The following SYNE3 variants were observed in gnomAD, a reference collection of about 807,000 sequenced individuals.
SYNE3 encodes the protein spectrin repeat containing nuclear envelope family member 3, also known as nesprin-3.
A neutral mutation model predicts 111.2 loss-of-function variants in SYNE3; 100 were observed. That is an observed-to-expected ratio of 0.90 (90% CI 0.77 to 1.06). SYNE3 has a LOEUF of 1.06. Among genes scored for constraint, SYNE3 ranks in the 50% least tolerant of loss-of-function variants. The pLI, the probability that SYNE3 is intolerant of heterozygous loss-of-function variation, is 0.00. For synonymous variants in SYNE3, 547 were observed against 533.9 expected (o/e 1.02, Z -0.34); for missense variants, 1,160 against 1,240.3 (o/e 0.94, Z 0.97).
intron 4 of SYNE3, among the ~76,000 whole-genome samples, chr14:95,464,036 C>T (rs866187076): frequency 2.0e-5 from 3 of 152,218 alleles, no homozygotes; most frequent in African/African-American, 7.2e-5. Context: ...GCCTGGAATC[C>T]AAGTCCCTTC....
Position 95,409,151 on chromosome 14 carries a change from A to G in SYNE3, c.*8675T>C, listed in dbSNP as rs1451036554. The G allele has an allele frequency of 4.4e-6, 2 of 456,726 alleles. No homozygotes were observed. The highest frequency in any genetic ancestry group is 8.8e-6 in the Non-Finnish European group (2 of 226,952). 28.3% of individuals were successfully genotyped at this position (456,726 alleles called of 1,614,324 possible). A position where few individuals can be genotyped will look rare whatever the true frequency, so the allele number is the denominator to read the frequency against. ...CTGAGGCCCAGGGAACATTCCATAG[A>G]GTGGAGCACTGGGCTCGGAGCCAGT... On this transcript the variant is annotated 3_prime_UTR_variant, in exon 18 of 18. Transcript: ENST00000682763.
At chr14:95,491,197 G>A (rs150239347) in intron 1 of SYNE3, among the ~76,000 whole-genome samples, 3 of 152,234 alleles carry the variant, frequency 2.0e-5, no homozygotes, top group Non-Finnish European at 2.9e-5. Context: ...GAAAGATTCT[G>A]TGGAAACCTC....
chr14:95,491,509 A>G (rs1465088545), intron 1 of SYNE3, among the ~76,000 whole-genome samples: 3 of 152,196 alleles, frequency 2.0e-5, no homozygotes, highest in African/African-American at 7.2e-5. Flanking sequence ...TGATGGGACA[A>G]CTGGATATCC....
At chr14:95,450,451 G>T (rs1396500948) in intron 7 of SYNE3, 4 of 234,236 alleles carry the variant, frequency 1.7e-5, no homozygotes, top group Non-Finnish European at 3.3e-5. Flanking sequence ...AAAGCAGGAG[G>T]ATCACTTGAG....
At chr14:95,478,265 G>A (rs1889010192) in intron 1 of SYNE3, among the ~76,000 whole-genome samples, 1 of 152,178 alleles carries the variant, frequency 6.6e-6, no homozygotes, top group African/African-American at 2.4e-5. Context: ...TGCTATGATC[G>A]TAGCATCCAA....
At position 95,411,243 on chromosome 14, in the gene SYNE3, GC is replaced by G. The variant is rs1903425686; in HGVS notation, c.*6582del. On this transcript the variant is annotated 3_prime_UTR_variant, in exon 18 of 18. Transcript: ENST00000682763. ...TTCATCCCATTGTCTGCTTTCTGGG[GC>G]TAGTTTGTCTCACCCAATTACTAGA... The G allele has an allele frequency of 6.6e-6, 1 of 150,956 alleles. No homozygotes were observed. Among genetic ancestry groups the G allele is most frequent in the Admixed American group, 6.6e-5 (1 of 15,066 alleles). 9.4% of individuals were successfully genotyped at this position (150,956 alleles called of 1,614,324 possible). A position where few individuals can be genotyped will look rare whatever the true frequency, so the allele number is the denominator to read the frequency against.
chr14:95,470,032 G>C lies in SYNE3; in HGVS notation c.145-2065C>G, dbSNP rs897638119. ...GCTCAGGGAGAGTGAAGAATGGGGA[G>C]ATTCCTCAAGAGAGGGAAAGAGGGT... On this transcript the variant is annotated intron_variant, in intron 2 of 17. Coordinates refer to ENST00000682763, the MANE Select transcript of SYNE3 (RefSeq NM_152592.6). The surrounding 1 kb of genome is among the most constrained non-coding windows in gnomAD (Gnocchi z 4.2). Among the ~76,000 whole-genome samples the C allele has an allele frequency of 6.6e-6, 1 of 152,202 alleles. No individual in the cohort carries two copies. The highest frequency in any genetic ancestry group is 1.5e-5 in the Non-Finnish European group (1 of 68,040).
intron 1 of SYNE3, among the ~76,000 whole-genome samples, chr14:95,514,426 G>A (rs1157905602): frequency 6.6e-6 from 1 of 152,206 alleles, no homozygotes; most frequent in East Asian, 1.9e-4. Flanking sequence ...TGACAGACAA[G>A]GGGAAATCAA....
In SYNE3 at chr14:95,429,367, C is replaced by G. The variant is rs1478287201; in HGVS notation, c.2727+2712G>C. Among the ~76,000 whole-genome samples, 7 of 152,180 alleles carry G rather than the reference C, an allele frequency of 4.6e-5. No homozygotes were observed. In the East Asian group the frequency reaches 1.2e-3, roughly 25 times the overall value. On this transcript the variant is annotated intron_variant, in intron 17 of 17. Coordinates refer to ENST00000682763, the MANE Select transcript of SYNE3 (RefSeq NM_152592.6). Reference sequence around the variant, plus strand: ...AGGTCACACACGCTAATGGTGGAGCCTGGGTTTGAACCCAGAGTGTAAAGT... The same window carrying G: ...AGGTCACACACGCTAATGGTGGAGCGTGGGTTTGAACCCAGAGTGTAAAGT...
Position 95,467,880 on chromosome 14 carries a change from C to T in SYNE3, c.232G>A (p.Asp78Asn), listed in dbSNP as rs1189785543. ...CGGGCCAGGATCCCGGGCTTCTGGTCCCCAGGGCAGCATGCCAAGAGGGCT... is the reference window on the plus strand; with the variant it reads ...CGGGCCAGGATCCCGGGCTTCTGGTTCCCAGGGCAGCATGCCAAGAGGGCT... Reference protein sequence around the residue: ...AEALLACCPGDQKPGILARLK... With the variant: ...AEALLACCPGNQKPGILARLK... The change falls in exon 3 of 18, where the codon GAC (aspartate) becomes AAC (asparagine). Residue 78 changes from aspartate (D) to asparagine (N), a missense_variant. Transcript: ENST00000682763. 1 of 1,614,220 alleles carries T rather than the reference C, an allele frequency of 6.2e-7. No individual in the cohort carries two copies.
At chr14:95,438,684 T>C in intron 14 of SYNE3, 1 of 224,284 alleles carries the variant, frequency 4.5e-6, no homozygotes, top group Non-Finnish European at 8.9e-6. Context: ...CTTGTATGGT[T>C]TCGGTTTCCA....
Position 95,444,595 on chromosome 14 carries a change from C to T in SYNE3, c.1666G>A (p.Ala556Thr), listed in dbSNP as rs1366483946. The T allele has an allele frequency of 1.9e-6, 3 of 1,611,768 alleles. No homozygotes were observed. Among genetic ancestry groups the T allele is most frequent in the Non-Finnish European group, 2.5e-6 (3 of 1,178,482 alleles). The change falls in exon 10 of 18, where the codon GCT becomes ACT. Residue 556 changes from alanine to threonine, a missense_variant. Physicochemically the swap from Ala to Thr is moderately conservative, Grantham distance 58 (BLOSUM62 0). Transcript: ENST00000682763. The part of the protein sequence containing the change: ...LLAQHKDFGA[A>T]FEPLQRKLLD... ...AGCTTCCTCTGCAGGGGCTCAAAAG[C>T]TGCTCCAAAGTCTTTGTGCTGAGCG...
In SYNE3 at chr14:95,443,098, T is replaced by C. The variant is rs1004243660; in HGVS notation, c.1911+57A>G. The C allele has an allele frequency of 6.2e-6, 10 of 1,603,076 alleles. No homozygotes were observed. In the South Asian group the frequency reaches 6.7e-5, roughly 11 times the overall value. On this transcript the variant is annotated intron_variant, in intron 11 of 17. Transcript: ENST00000682763. Reference sequence around the variant, plus strand: ...AAGGGGAAGAAAGGCCCCAGGCGTGTTGGATGACAGGGGCCGGCTCTCTGT... The same window carrying C: ...AAGGGGAAGAAAGGCCCCAGGCGTGCTGGATGACAGGGGCCGGCTCTCTGT...
In SYNE3 at chr14:95,409,288, G is replaced by T. The variant is rs1315094000; in HGVS notation, c.*8538C>A. The T allele has an allele frequency of 2.2e-6, 1 of 456,612 alleles. No homozygotes were observed. Among genetic ancestry groups the T allele is most frequent in the Non-Finnish European group, 4.4e-6 (1 of 226,984 alleles). 28.3% of individuals were successfully genotyped at this position (456,612 alleles called of 1,614,324 possible). On this transcript the variant is annotated 3_prime_UTR_variant, in exon 18 of 18. Coordinates refer to ENST00000682763, the MANE Select transcript of SYNE3 (RefSeq NM_152592.6). ...TTCTGATCATGACTCCATAGCACAG[G>T]CTTTTTGAAAGTGTCATGACCATAT...
intron 1 of SYNE3, among the ~76,000 whole-genome samples, chr14:95,480,427 G>A (rs942516420): frequency 2.6e-5 from 4 of 152,220 alleles, no homozygotes; most frequent in Non-Finnish European, 5.9e-5. Flanking sequence ...CCCGAGCTGG[G>A]GCAGATGATG....
intron 17 of SYNE3, among the ~76,000 whole-genome samples, chr14:95,422,904 T>A (rs1212183): frequency 2.0e-5 from 3 of 152,090 alleles, no homozygotes; most frequent in African/African-American, 7.2e-5. Flanking sequence ...GCTCTGGCAG[T>A]GCCAGCAGGT....
At chr14:95,458,700 C>A (rs1285354146) in intron 4 of SYNE3, among the ~76,000 whole-genome samples, 4 of 152,174 alleles carry the variant, frequency 2.6e-5, no homozygotes, top group Non-Finnish European at 5.9e-5. Context: ...CTGGGGGATC[C>A]AGGAGGTTCC....
intron 1 of SYNE3, among the ~76,000 whole-genome samples, chr14:95,492,282 CAA>C (rs1445160864): frequency 4.6e-5 from 7 of 152,146 alleles, no homozygotes; most frequent in African/African-American, 1.7e-4. Flanking sequence ...CATATATACT[CAA>C]GAGAAATGAA....
rs138043353 is a variant in SYNE3, at chr14:95,478,209, T to C, written c.-14-2374A>G. ...TGAGCCTCCTCTGCAATTCTGCCTA[T>C]TTTGCTTCAGTTCAATGAAACACAG... On this transcript the variant is annotated intron_variant, in intron 1 of 17. Coordinates refer to ENST00000682763, the MANE Select transcript of SYNE3 (RefSeq NM_152592.6). Among the ~76,000 whole-genome samples the C allele has an allele frequency of 6.2e-4, 94 of 152,302 alleles. 1 individual carries two copies. Among genetic ancestry groups the C allele is most frequent in the Admixed American group, 2.2e-3 (33 of 15,306 alleles).
Sources: gnomAD v4.1 joint callset for allele counts (sites outside exome capture counted in the v4.1 genomes callset) on GRCh38, gnomAD v4.1.1 for gene constraint, Gnocchi (gnomAD v3.1) non-coding constraint, MANE v1.5 for transcripts, NCBI Gene and HGNC (gene_info 2026-07-23, HGNC 2026-07-21) for gene names.